Variants in ERG observed in about 807,000 individuals in gnomAD.
ERG encodes ETS transcription factor ERG.
In ERG, 9 loss-of-function variants were observed where a neutral mutation model predicts 55.3. That is an observed-to-expected ratio of 0.16 (90% CI 0.10 to 0.28). ERG has a LOEUF of 0.28. Among genes scored for constraint, ERG ranks in the 10% least tolerant of loss-of-function variants. ERG has a pLI of 1.00. For missense variants in ERG, 434 were observed against 631.6 expected (o/e 0.69, Z 3.35); for synonymous variants, 223 against 237.3 (o/e 0.94, Z 0.55).
intron 1 of ERG, among the ~76,000 whole-genome samples, chr21:38,657,493 T>G (rs2060526358): frequency 6.6e-6 from 1 of 152,220 alleles, no homozygotes; most frequent in Non-Finnish European, 1.5e-5. Flanking sequence ...CTCACCCTCC[T>G]TCACTACCTT....
In ERG at chr21:38,480,086, C is replaced by T. The variant is rs80016003; in HGVS notation, c.18+18277G>A. 7.4e-3 allele frequency among the ~76,000 whole-genome samples: 1,129 copies of T among 152,222 alleles called. 9 individuals are homozygous for T. The highest frequency in any genetic ancestry group is 0.011 in the Non-Finnish European group (746 of 68,024). ...CGATCCCATAACCAAGAGGGCTACT[C>T]GGTGACTAACAGGCAGGTAGCATCT... On this transcript the variant is annotated intron_variant, in intron 1 of 9. Transcript: ENST00000288319.
chr21:38,383,298 G>A lies in ERG; in HGVS notation c.*105C>T. The A allele has an allele frequency of 7.5e-7, 1 of 1,339,042 alleles. No homozygotes were observed. The highest frequency in any genetic ancestry group is 2.7e-5 in the South Asian group (1 of 37,184). 82.9% of individuals were successfully genotyped at this position (1,339,042 alleles called of 1,614,324 possible). On this transcript the variant is annotated 3_prime_UTR_variant, in exon 10 of 10. Transcript: ENST00000288319. This position sits in a 1 kb window ranked among gnomAD's most constrained non-coding sequence, Gnocchi z 5.7. The stretch of plus-strand genomic sequence containing the variant: ...GGCTTCCTTCCCCAGCCCCAGTAAA[G>A]CTTTTTTCATTCCTCTTGAGGCACT...
intron 1 of ERG, among the ~76,000 whole-genome samples, chr21:38,651,898 C>T (rs193055590): frequency 6.6e-6 from 1 of 152,272 alleles, no homozygotes; most frequent in African/African-American, 2.4e-5. Flanking sequence ...TCCTGAGCCT[C>T]ACTGCTATTC....
intron 2 of ERG, among the ~76,000 whole-genome samples, chr21:38,555,844 T>C (rs2059855258): frequency 6.6e-6 from 1 of 152,240 alleles, no homozygotes; most frequent in Non-Finnish European, 1.5e-5. Context: ...TAATGTCATA[T>C]ACTGGTATGT....
intron 2 of ERG, among the ~76,000 whole-genome samples, chr21:38,562,705 A>G (rs1188717841): frequency 1.3e-5 from 2 of 152,202 alleles, no homozygotes; most frequent in Admixed American, 1.3e-4. Flanking sequence ...GTTTCTAGCA[A>G]GATAGGTGCA....
chr21:38,541,460 T>G (rs867347093), intron 2 of ERG, among the ~76,000 whole-genome samples: 10 of 152,232 alleles, frequency 6.6e-5, no homozygotes, highest in African/African-American at 1.9e-4. Flanking sequence ...TAGGGAGGGC[T>G]TGTTTTATGC....
intron 1 of ERG, among the ~76,000 whole-genome samples, chr21:38,477,007 CTTTT>C (rs397867221): frequency 2.4e-5 from 2 of 84,154 alleles, no homozygotes; most frequent in East Asian, 4.0e-4. Flanking sequence ...TCTTTCTTTC[CTTTT>C]TTTTTTTTTT....
chr21:38,459,451 T>C (rs2059020671), intron 1 of ERG, among the ~76,000 whole-genome samples: 1 of 152,246 alleles, frequency 6.6e-6, no homozygotes, highest in Admixed American at 6.5e-5. Context: ...ATGGTTGCCA[T>C]TACAATTTAC....
intron 6 of ERG, among the ~76,000 whole-genome samples, chr21:38,397,253 G>T (rs1471423928): frequency 6.6e-6 from 1 of 152,134 alleles, no homozygotes. Context: ...AAGCAGTCAG[G>T]GGGCTCTGGA....
chr21:38,645,417 C>A (rs1394346961), intron 1 of ERG, among the ~76,000 whole-genome samples: 1 of 152,112 alleles, frequency 6.6e-6, no homozygotes, highest in Non-Finnish European at 1.5e-5. Context: ...CCAAATAAAC[C>A]ACAATGTGAT....
At chr21:38,587,507 C>T (rs191130404), upstream of ERG, among the ~76,000 whole-genome samples, 126 of 152,192 alleles carry the variant, frequency 8.3e-4, 1 homozygote, top group East Asian at 0.018. Context: ...TACAGGCGCC[C>T]GCCACCACAC....
At chr21:38,445,382 A>G in intron 2 of ERG, 22 bp downstream of exon 2, 1 of 1,588,426 alleles carries the variant, frequency 6.3e-7, no homozygotes, top group East Asian at 2.2e-5. Context: ...TCAGGGAGAG[A>G]AAGGGGCGGA....
chr21:38,600,584 T>A (rs972189536), intron 1 of ERG, among the ~76,000 whole-genome samples: 1 of 152,160 alleles, frequency 6.6e-6, no homozygotes, highest in Non-Finnish European at 1.5e-5. Context: ...ATGGACCTCA[T>A]TGATAACACT....
At chr21:38,434,768 A>G (rs1990375460) in intron 2 of ERG, among the ~76,000 whole-genome samples, 2 of 152,336 alleles carry the variant, frequency 1.3e-5, no homozygotes, top group South Asian at 4.1e-4. Flanking sequence ...GCCTGTGAAG[A>G]AAGTCTGCAA....
rs2059035617 is a variant in ERG at position 38,460,866 on chromosome 21, T to G, written c.19-15245A>C. Among the ~76,000 whole-genome samples, 1 of 152,218 alleles carries G rather than the reference T, an allele frequency of 6.6e-6. No homozygotes were observed. The highest frequency in any genetic ancestry group is 1.5e-5 in the Non-Finnish European group (1 of 68,034). Reference sequence around the variant, plus strand: ...ATGGCAGACAATGGTGTCACTTCCTTTCTGCTTAGGAAGGAGACGTTTGGA... The same window carrying G: ...ATGGCAGACAATGGTGTCACTTCCTGTCTGCTTAGGAAGGAGACGTTTGGA... On this transcript the variant is annotated intron_variant, in intron 1 of 9. Coordinates refer to ENST00000288319, the MANE Select transcript of ERG (RefSeq NM_182918.4). This position sits in a 1 kb window ranked among gnomAD's most constrained non-coding sequence, Gnocchi z 5.0.
chr21:38,520,753 A>T (rs1187118457), intron 2 of ERG, among the ~76,000 whole-genome samples: 1 of 152,218 alleles, frequency 6.6e-6, no homozygotes, highest in African/African-American at 2.4e-5. Flanking sequence ...AAAAAAGAAC[A>T]ATCAGAGATG....
rs147021743 is a variant in ERG, at chr21:38,631,248, T to C, written c.-150+30410A>G. On this transcript the variant is annotated intron_variant, in intron 1 of 10. Transcript: ENST00000398910. ...AGAACACACCATTCCCCACACTTCATTTCCCATTAAGGTTGTCTTGGTTAA... is the reference window on the plus strand; with the variant it reads ...AGAACACACCATTCCCCACACTTCACTTCCCATTAAGGTTGTCTTGGTTAA... Among the ~76,000 whole-genome samples the C allele has an allele frequency of 2.9e-3, 445 of 152,306 alleles. 6 individuals carry two copies. The highest frequency in any genetic ancestry group is 0.01 in the African/African-American group (429 of 41,578).
upstream of ERG, among the ~76,000 whole-genome samples, chr21:38,585,532 C>CTGTTTTTTTTTTTTTT (rs2060057686): frequency 1.7e-5 from 1 of 59,270 alleles, no homozygotes; most frequent in African/African-American, 5.6e-5. Flanking sequence ...TCTCTCTCTT[C>CTGTTTTTTTTTTTTTT]TTTTTTTTTT....
At position 38,460,352 on chromosome 21, in the gene ERG, C is replaced by T. The variant is rs35051080; in HGVS notation, c.19-14731G>A. On this transcript the variant is annotated intron_variant, in intron 1 of 9. Coordinates refer to ENST00000288319, the MANE Select transcript of ERG (RefSeq NM_182918.4). This position sits in a 1 kb window ranked among gnomAD's most constrained non-coding sequence, Gnocchi z 5.0. ...TCTCTAGCCGTCTTGGCTAAAAGCC[C>T]GGGAATTGTCTTCTTCTGTGTTGCA... 1.2e-3 allele frequency among the ~76,000 whole-genome samples: 176 copies of T among 152,268 alleles called. No homozygotes were observed. The highest frequency in any genetic ancestry group is 2.1e-3 in the Non-Finnish European group (141 of 68,018).
Sources: allele counts gnomAD v4.1 joint callset (sites outside exome capture counted in the v4.1 genomes callset), GRCh38; gene constraint gnomAD v4.1.1; non-coding constraint Gnocchi (gnomAD v3.1); transcripts MANE v1.5; gene names NCBI Gene and HGNC (gene_info 2026-07-23, HGNC 2026-07-21).